The following GPM6A variants were observed in gnomAD, a reference collection of about 807,000 sequenced individuals.
GPM6A encodes neuronal membrane glycoprotein M6-a.
In GPM6A, 7 loss-of-function variants were observed where a neutral mutation model predicts 32.1. The ratio of observed to expected loss-of-function variants is 0.22; its 90% CI spans 0.12 to 0.41. GPM6A has a LOEUF of 0.41. GPM6A is among the 10% of genes least tolerant of loss of function. The pLI is 1.00. For synonymous variants in GPM6A, 130 were observed against 123.4 expected (o/e 1.05, Z -0.35); for missense variants, 235 against 347.2 (o/e 0.68, Z 2.57).
intron 1 of GPM6A, among the ~76,000 whole-genome samples, chr4:175,928,422 C>T (rs543272725): frequency 2.0e-5 from 3 of 152,304 alleles, no homozygotes; most frequent in South Asian, 2.1e-4. Context: ...CTTGTCCACA[C>T]GTGGTGCCTT....
At chr4:176,002,290 C>T in intron 1 of GPM6A, 1 of 1,599,266 alleles carries the variant, frequency 6.3e-7, no homozygotes, top group Non-Finnish European at 8.5e-7. Context: ...GAGGTGTACG[C>T]GCCCGCCCGC....
At chr4:175,793,847 AT>A (rs1250468361) in intron 1 of GPM6A, among the ~76,000 whole-genome samples, 2 of 152,208 alleles carry the variant, frequency 1.3e-5, no homozygotes, top group Non-Finnish European at 2.9e-5. Flanking sequence ...GAGGGAAAAT[AT>A]TTTAAAATAC....
chr4:175,967,444 A>G (rs917547265), intron 1 of GPM6A, among the ~76,000 whole-genome samples: 4 of 152,186 alleles, frequency 2.6e-5, no homozygotes, highest in Admixed American at 2.0e-4. Flanking sequence ...ATAAGACAAG[A>G]AAAGGAAATA....
chr4:175,687,346 C>T (rs1478520718), intron 2 of GPM6A, among the ~76,000 whole-genome samples: 1 of 152,108 alleles, frequency 6.6e-6, no homozygotes, highest in Non-Finnish European at 1.5e-5. Context: ...CAGGCCACAG[C>T]CCTGACAACC....
At chr4:175,817,657 G>A (rs923999985) in intron 1 of GPM6A, among the ~76,000 whole-genome samples, 4 of 152,134 alleles carry the variant, frequency 2.6e-5, no homozygotes, top group African/African-American at 9.7e-5. Flanking sequence ...AAAAGGGGGA[G>A]GCAGATTGTT....
intron 1 of GPM6A, among the ~76,000 whole-genome samples, chr4:175,964,091 G>C (rs1339145595): frequency 4.0e-5 from 6 of 151,010 alleles, no homozygotes; most frequent in Admixed American, 4.0e-4. Context: ...AAAAACAGTA[G>C]AAGACAAAAA....
rs1560841885 is a variant in GPM6A, at chr4:175,637,276, ATATATT to A, written c.685-2225_685-2220del. On this transcript the variant is annotated intron_variant, in intron 6 of 6. Coordinates refer to ENST00000393658, the MANE Select transcript of GPM6A (RefSeq NM_201591.3). ...TAATATAAAATATATATTATATATT[ATATATT>A]ATATAAAATATATATTATATATTAT... Among the ~76,000 whole-genome samples, 45 of 66,344 alleles carry A rather than the reference ATATATT, an allele frequency of 6.8e-4. 1 individual carries two copies. The highest frequency in any genetic ancestry group is 2.1e-3 in the African/African-American group (39 of 18,332). The allele number at this position is 66,344 out of a possible 152,430, so 43.5% of individuals were successfully genotyped here.
rs1342744129 is a variant in GPM6A at position 175,808,297 on chromosome 4, C to T, written c.37+3894G>A. The stretch of plus-strand genomic sequence containing the variant: ...CAGTATATCCTTGTGTGCATAGATT[C>T]CTTTATAGTAATATGTGTGTATAAA... On this transcript the variant is annotated intron_variant, in intron 1 of 6. Coordinates refer to ENST00000393658, the MANE Select transcript of GPM6A (RefSeq NM_201591.3). Among the ~76,000 whole-genome samples the T allele has an allele frequency of 3.3e-5, 5 of 151,960 alleles. No homozygotes were observed. In the South Asian group the frequency reaches 1.0e-3, roughly 32 times the overall value.
intron 1 of GPM6A, among the ~76,000 whole-genome samples, chr4:175,936,682 T>A (rs949708856): frequency 6.6e-6 from 1 of 152,096 alleles, no homozygotes; most frequent in Non-Finnish European, 1.5e-5. Context: ...GAAGCAATAC[T>A]TTTTAAAAAT....
At chr4:175,759,876 T>C (rs1732671329) in intron 1 of GPM6A, among the ~76,000 whole-genome samples, 2 of 152,066 alleles carry the variant, frequency 1.3e-5, no homozygotes, top group Non-Finnish European at 2.9e-5. Context: ...AATACAAGAA[T>C]GTTATGTTTT....
intron 1 of GPM6A, among the ~76,000 whole-genome samples, chr4:175,953,009 G>A (rs1324848913): frequency 2.8e-5 from 4 of 140,758 alleles, no homozygotes; most frequent in Non-Finnish European, 4.6e-5. Context: ...CAGTGTGGGC[G>A]ACAGAACAAG....
intron 3 of GPM6A, among the ~76,000 whole-genome samples, chr4:175,671,724 A>G (rs1743082995): frequency 6.6e-6 from 1 of 152,112 alleles, no homozygotes; most frequent in Admixed American, 6.5e-5. Flanking sequence ...CCCTTCGTGA[A>G]GGCAGTGTTG....
intron 1 of GPM6A, among the ~76,000 whole-genome samples, chr4:175,885,351 G>A (rs973443367): frequency 6.6e-6 from 1 of 152,242 alleles, no homozygotes; most frequent in South Asian, 2.1e-4. Flanking sequence ...AATAGATAGT[G>A]TTTAAATTAA....
chr4:175,998,610 CT>C (rs892712309), intron 1 of GPM6A, among the ~76,000 whole-genome samples: 3 of 152,192 alleles, frequency 2.0e-5, no homozygotes, highest in Non-Finnish European at 4.4e-5. Context: ...ACAAAATCTT[CT>C]ATTCATTCTC....
intron 1 of GPM6A, among the ~76,000 whole-genome samples, chr4:175,762,695 A>G (rs78768885): frequency 0.018 from 2,769 of 152,236 alleles, 105 homozygotes; most frequent in African/African-American, 0.063. Flanking sequence ...ACAAAACAAG[A>G]ACATATGCGC....
intron 1 of GPM6A, among the ~76,000 whole-genome samples, chr4:175,833,001 C>T (rs1047957725): frequency 2.0e-5 from 3 of 152,194 alleles, no homozygotes; most frequent in African/African-American, 7.2e-5. Flanking sequence ...TTGCCAACAG[C>T]AGCTAGCTTC....
chr4:175,700,857 G>A (rs561275608), intron 2 of GPM6A, among the ~76,000 whole-genome samples: 38 of 152,168 alleles, frequency 2.5e-4, no homozygotes, highest in African/African-American at 6.5e-4. Context: ...AGCAATAAAC[G>A]TTTCTAGAAT....
At chr4:175,777,992 T>C (rs1016547509) in intron 1 of GPM6A, among the ~76,000 whole-genome samples, 2 of 152,352 alleles carry the variant, frequency 1.3e-5, no homozygotes, top group Middle Eastern at 3.4e-3. Flanking sequence ...CTCTGCAAAC[T>C]ACTTTTTTAG....
intron 1 of GPM6A, among the ~76,000 whole-genome samples, chr4:175,775,595 G>A (rs17658976): frequency 0.021 from 3,188 of 152,112 alleles, 57 homozygotes; most frequent in Non-Finnish European, 0.031. Context: ...CAAATTTGAT[G>A]GAGCAGAAGG....
Sources: allele counts gnomAD v4.1 joint callset (sites outside exome capture counted in the v4.1 genomes callset), GRCh38; gene constraint gnomAD v4.1.1; transcripts MANE v1.5; gene names NCBI Gene and HGNC (gene_info 2026-07-23, HGNC 2026-07-21).